Variants in C4orf51 observed in about 807,000 individuals in gnomAD.
C4orf51 encodes the protein uncharacterized protein C4orf51.
C4orf51 carries 25 observed loss-of-function variants against 25.2 expected under a neutral mutation model. The observed-to-expected ratio is 0.99, with a 90% confidence interval of 0.72 to 1.39. The LOEUF (loss-of-function observed/expected upper bound fraction) is 1.39, where lower values mean the gene tolerates loss of function less well. C4orf51 is among the 40% of genes most tolerant of loss of function. The pLI is 0.00. For missense variants in C4orf51, 252 were observed against 239.6 expected, an observed-to-expected ratio of 1.05 and a Z score of -0.34; for synonymous variants, 100 against 84.5, an observed-to-expected ratio of 1.18 and a Z score of -1.01.
chr4:145,701,329 G>A (rs1231481499), intron 2 of C4orf51, among the ~76,000 whole-genome samples: 1 of 152,008 alleles, frequency 6.6e-6, no homozygotes, highest in African/African-American at 2.4e-5. Context: ...AAACCGAAGT[G>A]CCCAGGCGTT....
chr4:145,683,073 A>C (rs77689860), intron 1 of C4orf51, among the ~76,000 whole-genome samples: 31,924 of 152,112 alleles, frequency 0.21, 3,581 homozygotes, highest in East Asian at 0.46. Context: ...TACAAGGTTA[A>C]TATACAAAAA....
At position 145,762,650 on chromosome 4, in the gene C4orf51, G is replaced by A. The variant is rs934025605; in HGVS notation, n.167-8338G>A. Among the ~76,000 whole-genome samples, 3 of 152,090 alleles carry A rather than the reference G, an allele frequency of 2.0e-5. No homozygotes were observed. Among genetic ancestry groups the A allele is most frequent in the East Asian group, 1.9e-4 (1 of 5,190 alleles). On this transcript the variant is annotated intron_variant and non_coding_transcript_variant, in intron 1 of 1. Transcript: ENST00000510096. This position sits in a 1 kb window ranked among gnomAD's most constrained non-coding sequence, Gnocchi z 4.9. ...CCTAGCCTGGGCCTCTCTGTGGCTC[G>A]GTTTCTCCATCCTTTGCAGTGAGGC...
chr4:145,696,722 T>A, intron 2 of C4orf51, 90 bp downstream of exon 2: 1 of 939,200 alleles, frequency 1.1e-6, no homozygotes, highest in Non-Finnish European at 1.7e-6. Context: ...CTCACTTTAC[T>A]GAGATATGAT....
At chr4:145,685,535 A>C (rs1729099642) in intron 1 of C4orf51, among the ~76,000 whole-genome samples, 1 of 152,194 alleles carries the variant, frequency 6.6e-6, no homozygotes, top group Non-Finnish European at 1.5e-5. Flanking sequence ...TCAATTGAGC[A>C]AGCAGCGGGT....
intron 1 of C4orf51, among the ~76,000 whole-genome samples, chr4:145,751,213 A>G (rs1733656638): frequency 6.6e-6 from 1 of 152,132 alleles, no homozygotes; most frequent in African/African-American, 2.4e-5. Flanking sequence ...ATGTTCAACA[A>G]TGTCTAGGCA....
chr4:145,768,363 C>T (rs921292948), intron 1 of C4orf51, among the ~76,000 whole-genome samples: 10 of 152,114 alleles, frequency 6.6e-5, no homozygotes, highest in African/African-American at 1.9e-4. Context: ...CAGGGTTTCA[C>T]CATGTTGGCC....
chr4:145,769,224 T>C (rs1735876168), intron 1 of C4orf51, among the ~76,000 whole-genome samples: 1 of 151,536 alleles, frequency 6.6e-6, no homozygotes, highest in South Asian at 2.1e-4. Context: ...TGAGGAGCAA[T>C]GGTATATGAC....
chr4:145,750,767 A>G (rs941310885), intron 1 of C4orf51, among the ~76,000 whole-genome samples: 20 of 152,080 alleles, frequency 1.3e-4, no homozygotes, highest in Non-Finnish European at 2.6e-4. Context: ...TTTAAGGCCA[A>G]TAACTCTTAG....
intron 1 of C4orf51, among the ~76,000 whole-genome samples, chr4:145,681,375 T>C (rs1216942858): frequency 6.6e-6 from 1 of 152,226 alleles, no homozygotes; most frequent in Non-Finnish European, 1.5e-5. Context: ...AAACAAGTAC[T>C]TAAAGATAAA....
intron 2 of C4orf51, among the ~76,000 whole-genome samples, chr4:145,710,614 G>A (rs1301667005): frequency 1.3e-5 from 2 of 152,166 alleles, no homozygotes; most frequent in African/African-American, 2.4e-5. Flanking sequence ...GCACACTTGA[G>A]CCCACTTACC....
chr4:145,780,469 C>A, the C4orf51 span, among the ~76,000 whole-genome samples: 17 of 152,160 alleles, frequency 1.1e-4, no homozygotes, highest in Admixed American at 6.5e-4. Context: ...AAAACAGTGC[C>A]ACAAGTTATC....
Position 145,711,619 on chromosome 4 carries a change from T to C in C4orf51, c.307+14987T>C, listed in dbSNP as rs181392107. 3.2e-3 allele frequency among the ~76,000 whole-genome samples: 489 copies of C among 152,158 alleles called. 7 individuals carry two copies. The highest frequency in any genetic ancestry group is 2.5e-3 in the Non-Finnish European group (167 of 68,034). On this transcript the variant is annotated intron_variant, in intron 2 of 5. Coordinates refer to ENST00000438731, the MANE Select transcript of C4orf51 (RefSeq NM_001080531.3). ...CATTTCTTTTCATTCATTTTTTTCT[T>C]CTTTCTCCTCTGATTGGGTAGTTTC...
intron 1 of C4orf51, among the ~76,000 whole-genome samples, chr4:145,770,352 T>A (rs1736082391): frequency 6.8e-6 from 1 of 147,644 alleles, no homozygotes. Context: ...ATAAATAAAA[T>A]AGATCAGAAC....
At chr4:145,749,051 ATG>A (rs35776760) in intron 1 of C4orf51, among the ~76,000 whole-genome samples, 52,736 of 141,792 alleles carry the variant, frequency 0.37, 10,472 homozygotes, top group East Asian at 0.58. Flanking sequence ...GGATGCTCCA[ATG>A]TGTGTGTGTG....
intron 1 of C4orf51, among the ~76,000 whole-genome samples, chr4:145,692,912 T>G (rs989717284): frequency 1.3e-5 from 2 of 148,252 alleles, no homozygotes; most frequent in African/African-American, 4.9e-5. Flanking sequence ...ACACACTGCA[T>G]CTGTGAGTCC....
chr4:145,738,011 G>A (rs1732893079), intron 1 of C4orf51, among the ~76,000 whole-genome samples: 1 of 152,080 alleles, frequency 6.6e-6, no homozygotes, highest in Non-Finnish European at 1.5e-5. Context: ...TGGCTTGAGT[G>A]TTGGGAGGAA....
the C4orf51 span, among the ~76,000 whole-genome samples, chr4:145,787,922 C>T: frequency 2.6e-5 from 4 of 152,130 alleles, no homozygotes; most frequent in African/African-American, 9.7e-5. Context: ...CTCCATCCTG[C>T]CCCAAACCCA....
downstream of C4orf51, chr4:145,775,848 G>A: frequency 6.2e-7 from 1 of 1,614,188 alleles, no homozygotes; most frequent in Non-Finnish European, 8.5e-7. Context: ...CGCTGACAAT[G>A]TCCTCGGTGT....
intron 3 of C4orf51, among the ~76,000 whole-genome samples, chr4:145,728,608 G>C (rs1434255036): frequency 6.6e-6 from 1 of 152,086 alleles, no homozygotes; most frequent in Non-Finnish European, 1.5e-5. Flanking sequence ...ATATAATTTT[G>C]TTTTTATGTA....
Sources: gnomAD v4.1 joint callset for allele counts (sites outside exome capture counted in the v4.1 genomes callset) on GRCh38, gnomAD v4.1.1 for gene constraint, Gnocchi (gnomAD v3.1) non-coding constraint, MANE v1.5 for transcripts, NCBI Gene and HGNC (gene_info 2026-07-23, HGNC 2026-07-21) for gene names.